NTM: variants seen among roughly 807,000 people sequenced by gnomAD.
NTM encodes the protein IgLON family member 2.
A neutral mutation model predicts 42.1 loss-of-function variants in NTM; 13 were observed. That is an observed-to-expected ratio of 0.31 (90% confidence interval 0.20 to 0.49). NTM has a LOEUF of 0.49. Ranked by LOEUF, NTM falls within the 20% of genes least tolerant of loss-of-function variation. NTM has a pLI of 0.99. For synonymous variants in NTM, 187 were observed against 179.2 expected (o/e 1.04, Z -0.35); for missense variants, 373 against 452.8 (o/e 0.82, Z 1.60).
intron 1 of NTM, among the ~76,000 whole-genome samples, chr11:131,565,905 A>G (rs1425716362): frequency 6.6e-6 from 1 of 152,134 alleles, no homozygotes; most frequent in African/African-American, 2.4e-5. Context: ...GGACCCATCT[A>G]CATAGTCAGG....
At chr11:131,386,337 G>A (rs146281630) in intron 1 of NTM, among the ~76,000 whole-genome samples, 10 of 152,300 alleles carry the variant, frequency 6.6e-5, no homozygotes, top group Non-Finnish European at 1.5e-4. Context: ...TGGTCACAGA[G>A]TTTCTGTTTG....
At chr11:132,263,587 C>T (rs1222683231) in intron 4 of NTM, among the ~76,000 whole-genome samples, 4 of 152,126 alleles carry the variant, frequency 2.6e-5, no homozygotes, top group East Asian at 1.9e-4. Context: ...CAGATCTTTA[C>T]GTTCTGGTTC....
intron 1 of NTM, among the ~76,000 whole-genome samples, chr11:131,529,276 A>G (rs987206072): frequency 2.0e-5 from 3 of 152,258 alleles, no homozygotes; most frequent in Non-Finnish European, 4.4e-5. Flanking sequence ...TAGTAAATCC[A>G]GAGGACAATC....
intron 1 of NTM, among the ~76,000 whole-genome samples, chr11:131,415,264 G>T (rs1946827919): frequency 6.6e-6 from 1 of 152,078 alleles, no homozygotes; most frequent in Admixed American, 6.5e-5. Flanking sequence ...ATATAAAGCA[G>T]ATGAAGTGAG....
intron 1 of NTM, chr11:131,537,808 A>T (rs2052515198): frequency 6.6e-6 from 1 of 152,372 alleles, no homozygotes; most frequent in Non-Finnish European, 1.5e-5. Context: ...CACTGCACTA[A>T]GCATGGATTC....
At chr11:132,193,815 T>C (rs1301149567) in intron 3 of NTM, among the ~76,000 whole-genome samples, 3 of 152,000 alleles carry the variant, frequency 2.0e-5, no homozygotes, top group Non-Finnish European at 4.4e-5. Flanking sequence ...ATACAAAAAC[T>C]ACTCAGAGAC....
chr11:131,585,365 T>C (rs903594100), intron 1 of NTM, among the ~76,000 whole-genome samples: 2 of 152,204 alleles, frequency 1.3e-5, no homozygotes, highest in Non-Finnish European at 1.5e-5. Context: ...CTGATTGCGA[T>C]TGACAAGTCC....
rs190420831 is a variant in NTM, at chr11:131,401,411, G to A, written c.82+30523G>A. 4.2e-3 allele frequency among the ~76,000 whole-genome samples: 633 copies of A among 152,126 alleles called. 2 individuals are homozygous for A. Among genetic ancestry groups the A allele is most frequent in the Non-Finnish European group, 6.4e-3 (434 of 67,986 alleles). On this transcript the variant is annotated intron_variant, in intron 1 of 8. Transcript: ENST00000683400. ...CAAATCCCTGATGGGCCCTCTACTG[G>A]ATATATGATCTGAGCAAGTTATTTA...
At chr11:131,679,261 T>C (rs2071988904) in intron 1 of NTM, among the ~76,000 whole-genome samples, 1 of 152,062 alleles carries the variant, frequency 6.6e-6, no homozygotes, top group African/African-American at 2.4e-5. Flanking sequence ...ATAGCCTCCA[T>C]GTGCAAAGAC....
intron 1 of NTM, among the ~76,000 whole-genome samples, chr11:131,855,630 C>T (rs1252968175): frequency 1.3e-5 from 2 of 152,186 alleles, no homozygotes; most frequent in Non-Finnish European, 2.9e-5. Context: ...ATTTTCTTGC[C>T]TTCTGTTGCT....
intron 1 of NTM, among the ~76,000 whole-genome samples, chr11:131,386,750 T>C (rs1291525348): frequency 1.3e-5 from 2 of 152,252 alleles, no homozygotes. Flanking sequence ...AGACAGCTGA[T>C]GAGTGAACCA....
chr11:132,293,560 C>T (rs1168995568), intron 4 of NTM, among the ~76,000 whole-genome samples: 1 of 152,050 alleles, frequency 6.6e-6, no homozygotes, highest in African/African-American at 2.4e-5. Flanking sequence ...GGGTGTGAGA[C>T]TACAGGAAAT....
rs2068766341 is a variant in NTM at position 131,999,570 on chromosome 11, C to G, written c.167+87922C>G. Among the ~76,000 whole-genome samples, 2 of 152,220 alleles carry G rather than the reference C, an allele frequency of 1.3e-5. 1 individual carries two copies. The highest frequency in any genetic ancestry group is 4.1e-4 in the South Asian group (2 of 4,826). On this transcript the variant is annotated intron_variant, in intron 2 of 8. Coordinates refer to ENST00000683400, the MANE Select transcript of NTM (RefSeq NM_001352005.2). ...TTCAGAGTCATGGCTGGTAGATGCT[C>G]CCTTCCTTCCAGAGCAGGGAGGAAA... is the stretch of plus-strand genomic sequence containing the variant.
At chr11:131,870,810 A>G (rs928929579) in intron 1 of NTM, among the ~76,000 whole-genome samples, 2 of 152,078 alleles carry the variant, frequency 1.3e-5, no homozygotes, top group African/African-American at 2.4e-5. Context: ...CCAATACTTA[A>G]TTTTCAAAAA....
chr11:131,841,695 A>G (rs1452277661), intron 1 of NTM, among the ~76,000 whole-genome samples: 2 of 152,184 alleles, frequency 1.3e-5, no homozygotes, highest in East Asian at 1.9e-4. Flanking sequence ...AGGGAGCCCT[A>G]TTGAGGGGTC....
chr11:131,839,606 T>C (rs1284656586), intron 1 of NTM, among the ~76,000 whole-genome samples: 2 of 152,100 alleles, frequency 1.3e-5, no homozygotes, highest in African/African-American at 4.8e-5. Context: ...AAAGGAGACT[T>C]ATAGGTCACC....
chr11:132,200,324 C>T (rs893024297), intron 3 of NTM, among the ~76,000 whole-genome samples: 2 of 152,126 alleles, frequency 1.3e-5, no homozygotes, highest in African/African-American at 4.8e-5. Flanking sequence ...GGGAACAACT[C>T]AAGTTTTAAT....
At chr11:132,297,079 G>A (rs2094640040) in intron 4 of NTM, among the ~76,000 whole-genome samples, 1 of 152,162 alleles carries the variant, frequency 6.6e-6, no homozygotes, top group South Asian at 2.1e-4. Context: ...CTGTAGAATT[G>A]TGCTGTGGTT....
At chr11:131,693,781 A>G (rs1174345012) in intron 1 of NTM, among the ~76,000 whole-genome samples, 3 of 152,146 alleles carry the variant, frequency 2.0e-5, no homozygotes, top group Non-Finnish European at 4.4e-5. Flanking sequence ...TGCAGTCACT[A>G]TGGAGTGTCT....
Sources: allele counts gnomAD v4.1 joint callset (sites outside exome capture counted in the v4.1 genomes callset), GRCh38; gene constraint gnomAD v4.1.1; transcripts MANE v1.5; gene names NCBI Gene and HGNC (gene_info 2026-07-23, HGNC 2026-07-21).